BDP1: variants seen among roughly 807,000 people sequenced by gnomAD.
BDP1 encodes transcription factor TFIIIB component B'' homolog.
A neutral mutation model predicts 266.6 loss-of-function variants in BDP1; 169 were observed. The ratio of observed to expected loss-of-function variants is 0.63; its 90% CI spans 0.56 to 0.72. BDP1 has a LOEUF of 0.72. Among genes scored for constraint, BDP1 ranks in the 30% least tolerant of loss-of-function variants. BDP1 has a pLI of 0.00. For synonymous variants in BDP1, 1,090 were observed against 1,022.4 expected, an observed-to-expected ratio of 1.07 and a Z score of -1.26; for missense variants, 3,015 against 3,053.8, an observed-to-expected ratio of 0.99 and a Z score of 0.30.
intron 16 of BDP1, among the ~76,000 whole-genome samples, 166 bp downstream of exon 16, chr5:71,504,917 C>G (rs1764493693): frequency 6.6e-6 from 1 of 152,076 alleles, no homozygotes; most frequent in African/African-American, 2.4e-5. Flanking sequence ...TATGTTGTAG[C>G]CTTTATGTGA....
chr5:71,466,118 A>G lies in BDP1; in HGVS notation c.682A>G (p.Asn228Asp). ...TAGGCAAGAAGGTAAGAGTACTCCTAATGCTGAAGATAATGAAATGGAAGA... is the reference window on the plus strand; with the variant it reads ...TAGGCAAGAAGGTAAGAGTACTCCTGATGCTGAAGATAATGAAATGGAAGA... ...TREQEGKSTP[N>D]AEDNEMEEET... The change falls in exon 5 of 39, where the codon AAT (asparagine) becomes GAT (aspartate). Residue 228 changes from asparagine to aspartate, a missense_variant. Around this residue, in one of 3 missense-constraint regions of BDP1, gnomAD observed 2,383 missense variants for 2,404.9 expected, o/e 0.99. Transcript: ENST00000358731. 1.2e-6 allele frequency: 2 copies of G among 1,613,784 alleles called. No individual in the cohort carries two copies. Among genetic ancestry groups the G allele is most frequent in the Middle Eastern group, 1.7e-4 (1 of 6,060 alleles).
Position 71,464,063 on chromosome 5 carries a change from C to T in BDP1, c.605C>T (p.Ser202Leu). 6.4e-7 allele frequency: 1 copy of T among 1,555,880 alleles called. No individual in the cohort carries two copies. Among genetic ancestry groups the T allele is most frequent in the African/African-American group, 1.4e-5 (1 of 72,930 alleles). The change falls in exon 4 of 39, where the codon TCA (serine) becomes TTA (leucine). Residue 202 changes from serine to leucine, a missense_variant. Ser to Leu is a moderately radical substitution (Grantham distance 145). Transcript: ENST00000358731. The part of the protein sequence containing the change: ...YLPDNNPMTS[S>L]LEQEKKTEKP... ...TTGTTATTTATGTTCAATAGTTCTT[C>T]ACTGGAACAAGAAAAGAAAACTGAA...
Position 71,463,859 on chromosome 5 carries a change from T to G in BDP1, c.600-199T>G, listed in dbSNP as rs75641828. On this transcript the variant is annotated intron_variant, in intron 3 of 38. Transcript: ENST00000358731. ...AAAAAAAAAAAAAGTATTCTTTACT[T>G]AGGACCTAACAAATTATTTGTATGT... 1.0e-3 allele frequency among the ~76,000 whole-genome samples: 159 copies of G among 151,788 alleles called. 1 individual carries two copies. The highest frequency in any genetic ancestry group is 3.7e-3 in the African/African-American group (155 of 41,402).
At chr5:71,484,544 A>C (rs1763144240) in intron 8 of BDP1, among the ~76,000 whole-genome samples, 1 of 152,126 alleles carries the variant, frequency 6.6e-6, no homozygotes, top group African/African-American at 2.4e-5. Flanking sequence ...TAGCATTTGA[A>C]TTTAGATCTC....
rs959926970 is a variant in BDP1 at position 71,522,392 on chromosome 5, C to A, written c.5095C>A (p.Pro1699Thr). The change falls in exon 23 of 39, where the codon CCA (proline) becomes ACA (threonine). Residue 1699 changes from proline to threonine, a missense_variant. This residue lies in a region of BDP1 where 2,383 missense variants were observed against 2,404.9 expected (regional missense o/e 0.99). Coordinates refer to ENST00000358731, the MANE Select transcript of BDP1 (RefSeq NM_018429.3). Reference sequence around the variant, plus strand: ...AAGAGCACACAGTAAGAAAGAGGAACCAGTTTTAGAAAAAGTCACAACAGA... The same window carrying A: ...AAGAGCACACAGTAAGAAAGAGGAAACAGTTTTAGAAAAAGTCACAACAGA... Reference protein sequence around the residue: ...LGRAHSKKEEPVLEKVTTDQS... With the variant: ...LGRAHSKKEETVLEKVTTDQS... 6.2e-7 allele frequency: 1 copy of A among 1,613,578 alleles called. No homozygotes were observed. Among genetic ancestry groups the A allele is most frequent in the East Asian group, 2.2e-5 (1 of 44,846 alleles).
At chr5:71,503,811 A>G (rs1378387697) in intron 15 of BDP1, among the ~76,000 whole-genome samples, 2 of 151,964 alleles carry the variant, frequency 1.3e-5, no homozygotes, top group Non-Finnish European at 2.9e-5. Context: ...TACAAACAAA[A>G]ATTTTTTTAA....
intron 26 of BDP1, among the ~76,000 whole-genome samples, chr5:71,535,153 C>T (rs1766511209): frequency 6.6e-6 from 1 of 151,998 alleles, no homozygotes; most frequent in South Asian, 2.1e-4. Context: ...ACAGATGCTC[C>T]TCGACTTATG....
intron 22 of BDP1, among the ~76,000 whole-genome samples, chr5:71,519,752 G>GTGA (rs1405001119): frequency 2.6e-5 from 4 of 152,082 alleles, no homozygotes; most frequent in African/African-American, 9.7e-5. Flanking sequence ...GTTGGCTATT[G>GTGA]TGAATACCAC....
chr5:71,460,413 A>T (rs535151832), intron 2 of BDP1, among the ~76,000 whole-genome samples: 34 of 152,336 alleles, frequency 2.2e-4, no homozygotes, highest in African/African-American at 7.9e-4. Context: ...AACTAGTGTC[A>T]TGAAAATAGT....
chr5:71,506,450 A>T (rs1370355848), intron 16 of BDP1, among the ~76,000 whole-genome samples: 1 of 152,026 alleles, frequency 6.6e-6, no homozygotes, highest in Non-Finnish European at 1.5e-5. Flanking sequence ...TGTAAGAGAG[A>T]TAGTAGGAAA....
At chr5:71,485,706 G>A (rs1763224088) in intron 8 of BDP1, among the ~76,000 whole-genome samples, 1 of 152,130 alleles carries the variant, frequency 6.6e-6, no homozygotes, top group Admixed American at 6.5e-5. Context: ...CAGATATAAT[G>A]CTGTTGATAG....
chr5:71,551,992 G>A (rs1159096671), intron 34 of BDP1, among the ~76,000 whole-genome samples: 3 of 150,400 alleles, frequency 2.0e-5, no homozygotes, highest in Non-Finnish European at 3.0e-5. Flanking sequence ...CGGCTGGCCT[G>A]GCGAGGGCTG....
chr5:71,463,719 G>A (rs1363699748), intron 3 of BDP1, among the ~76,000 whole-genome samples: 3 of 151,454 alleles, frequency 2.0e-5, no homozygotes, highest in East Asian at 3.9e-4. Context: ...TCCCAGCTAC[G>A]TGGGAGGCTG....
Position 71,517,846 on chromosome 5 carries a change from G to T in BDP1, c.4991+394G>T, listed in dbSNP as rs142548451. Among the ~76,000 whole-genome samples, 493 of 152,178 alleles carry T rather than the reference G, an allele frequency of 3.2e-3. 3 individuals carry two copies. Among genetic ancestry groups the T allele is most frequent in the African/African-American group, 0.011 (476 of 41,496 alleles). ...TTTGGGAAGCCAAGACGAGAGGATC[G>T]CTTGAGTCCAGGAGTTCAAGACCAG... On this transcript the variant is annotated intron_variant, in intron 22 of 38. Transcript: ENST00000358731.
In BDP1 at chr5:71,498,082, C is replaced by G. The variant is rs559192893; in HGVS notation, c.1956+656C>G. On this transcript the variant is annotated intron_variant, in intron 13 of 38. Coordinates refer to ENST00000358731, the MANE Select transcript of BDP1 (RefSeq NM_018429.3). ...TCTCCTGCCTCAGCCTCCTGAGTAG[C>G]TGGGACTGCAGGTGCCCACCACCAT... is the stretch of plus-strand genomic sequence containing the variant. Among the ~76,000 whole-genome samples, 4 of 152,128 alleles carry G rather than the reference C, an allele frequency of 2.6e-5. No individual in the cohort carries two copies. The East Asian group carries it at 7.8e-4, about 30-fold the overall frequency.
At chr5:71,572,650 G>GC (rs1204829329), downstream of BDP1, among the ~76,000 whole-genome samples, 4 of 152,174 alleles carry the variant, frequency 2.6e-5, no homozygotes, top group African/African-American at 9.7e-5. Context: ...ACAAACTGGT[G>GC]CTCGGGTTCT....
chr5:71,501,612 G>A lies in BDP1; in HGVS notation c.2007G>A (p.Glu669=), dbSNP rs768113767. Residue 669 remains glutamate, a synonymous_variant, in exon 14 of 39, where the codon GAG becomes GAA. Transcript: ENST00000358731. ...ATACATTGGACATTTTGAGAATGGA[G>A]ACTACAGAGAGAGAGAATCCAGAAG... is the stretch of plus-strand genomic sequence containing the variant. ...KMNTLDILRM[E]TTERENPEAE... is the part of the protein sequence containing the mutation. The A allele has an allele frequency of 6.3e-7, 1 of 1,599,764 alleles. No individual in the cohort carries two copies. The highest frequency in any genetic ancestry group is 1.1e-5 in the South Asian group (1 of 90,570).
intron 19 of BDP1, 40 bp downstream of exon 19, chr5:71,513,447 T>G (rs764523671): frequency 5.5e-6 from 7 of 1,264,062 alleles, no homozygotes; most frequent in African/African-American, 1.5e-5. Context: ...TGGGTGTTTT[T>G]TTTTTTTTTT....
At chr5:71,551,185 C>A (rs1214589388) in intron 34 of BDP1, among the ~76,000 whole-genome samples, 1 of 151,704 alleles carries the variant, frequency 6.6e-6, no homozygotes, top group East Asian at 1.9e-4. Flanking sequence ...GGTCATAGGA[C>A]AATAGTGGAG....
Sources: gnomAD v4.1 joint callset for allele counts (sites outside exome capture counted in the v4.1 genomes callset) on GRCh38, gnomAD v4.1.1 for gene constraint, gnomAD v4.1.1 regional missense constraint, MANE v1.5 for transcripts, NCBI Gene and HGNC (gene_info 2026-07-23, HGNC 2026-07-21) for gene names.